The following RGS5 variants were observed in gnomAD, a reference collection of about 807,000 sequenced individuals.
RGS5 encodes the protein regulator of G-protein signalling 5.
Under a neutral mutation model 18.9 loss-of-function variants are expected in RGS5, and 20 were observed. The ratio of observed to expected loss-of-function variants is 1.06; its 90% CI spans 0.74 to 1.54. The LOEUF is 1.54. Among genes scored for constraint, RGS5 ranks in the 40% most tolerant of loss-of-function variants. The probability of loss-of-function intolerance (pLI) is 0.00; values close to 1 mark genes in which losing one functional copy is unlikely to be tolerated. For missense variants in RGS5, 201 were observed against 211.8 expected, an observed-to-expected ratio of 0.95 and a Z score of 0.32; for synonymous variants, 57 against 76.2, an observed-to-expected ratio of 0.75 and a Z score of 1.31.
chr1:163,219,273 G>A (rs781752876), upstream of RGS5, among the ~76,000 whole-genome samples: 17 of 152,048 alleles, frequency 1.1e-4, no homozygotes, highest in African/African-American at 1.4e-4. Context: ...TCCTATTCCC[G>A]TAGTATGTTG....
At chr1:163,167,863 A>G (rs1279027728) in intron 2 of RGS5, among the ~76,000 whole-genome samples, 3 of 152,190 alleles carry the variant, frequency 2.0e-5, no homozygotes, top group Non-Finnish European at 4.4e-5. Flanking sequence ...TAGATAGTTC[A>G]TCAGCAGGTA....
intron 2 of RGS5, among the ~76,000 whole-genome samples, chr1:163,225,198 A>G (rs1647307204): frequency 6.6e-6 from 1 of 152,100 alleles, no homozygotes; most frequent in South Asian, 2.1e-4. Flanking sequence ...CATCTAATTA[A>G]GGTTATTAAA....
rs559429484 is a variant in RGS5 at position 163,145,781 on chromosome 1, C to T, written c.*1561G>A. Reference sequence around the variant, plus strand: ...TACAGTCACATAGTTGCTTCACTTTCAATATTCTTAGGAAATAACCAAATA... The same window carrying T: ...TACAGTCACATAGTTGCTTCACTTTTAATATTCTTAGGAAATAACCAAATA... On this transcript the variant is annotated 3_prime_UTR_variant, in exon 5 of 5. Coordinates refer to ENST00000313961, the MANE Select transcript of RGS5 (RefSeq NM_003617.4). 7 of 152,184 alleles carry T rather than the reference C, an allele frequency of 4.6e-5. No homozygotes were observed. The South Asian group carries it at 8.3e-4, about 18-fold the overall frequency. 9.4% of individuals were successfully genotyped at this position (152,184 alleles called of 1,614,324 possible).
At position 163,147,177 on chromosome 1, in the gene RGS5, T is replaced by A. The variant is rs969416508; in HGVS notation, c.*165A>T. The A allele has an allele frequency of 2.5e-5, 15 of 589,996 alleles. No homozygotes were observed. Among genetic ancestry groups the A allele is most frequent in the African/African-American group, 1.2e-4 (6 of 51,876 alleles). 36.5% of individuals were successfully genotyped at this position (589,996 alleles called of 1,614,324 possible). ...AAGGCCTTCGGACAGTAGATAAGTA[T>A]CCAAAGCAGTGTGGGCAAAAAGAGT... On this transcript the variant is annotated 3_prime_UTR_variant, in exon 5 of 5. Transcript: ENST00000313961.
At chr1:163,227,010 G>C (rs934295988) in intron 2 of RGS5, among the ~76,000 whole-genome samples, 10 of 152,214 alleles carry the variant, frequency 6.6e-5, no homozygotes, top group Non-Finnish European at 1.3e-4. Context: ...AACTTCCAGT[G>C]CTTGATAGCA....
At chr1:163,165,916 CAA>C (rs59941784) in intron 2 of RGS5, among the ~76,000 whole-genome samples, 27 of 62,088 alleles carry the variant, frequency 4.3e-4, no homozygotes, top group South Asian at 6.8e-4. Context: ...AAAAAAAAAA[CAA>C]AAAAAAAACA....
chr1:163,214,465 T>A (rs1233917861), intron 1 of RGS5, among the ~76,000 whole-genome samples: 1 of 152,140 alleles, frequency 6.6e-6, no homozygotes, highest in Non-Finnish European at 1.5e-5. Flanking sequence ...ATACCCTTGC[T>A]CACAGATACA....
At chr1:163,272,382 C>G (rs919270991) in intron 2 of RGS5, among the ~76,000 whole-genome samples, 1 of 151,968 alleles carries the variant, frequency 6.6e-6, no homozygotes, top group Non-Finnish European at 1.5e-5. Flanking sequence ...TTCATGGTAT[C>G]CTTTGAGGCA....
chr1:163,219,118 A>T (rs1660278990), upstream of RGS5, among the ~76,000 whole-genome samples: 1 of 104,380 alleles, frequency 9.6e-6, no homozygotes, highest in Non-Finnish European at 2.3e-5. Flanking sequence ...CTTACTCTTT[A>T]TCGAGGTGTA....
At chr1:163,170,810 G>T (rs1455599612) in intron 1 of RGS5, among the ~76,000 whole-genome samples, 1 of 152,146 alleles carries the variant, frequency 6.6e-6, no homozygotes, top group African/African-American at 2.4e-5. Context: ...CACGGCATTA[G>T]GGTAAAAACT....
intron 2 of RGS5, among the ~76,000 whole-genome samples, chr1:163,301,869 TCC>T (rs966112279): frequency 3.3e-5 from 5 of 152,206 alleles, no homozygotes; most frequent in African/African-American, 9.6e-5. Flanking sequence ...CCCCAGCTTT[TCC>T]CAGGGTTCCT....
intron 1 of RGS5, among the ~76,000 whole-genome samples, chr1:163,169,608 G>A (rs1658211783): frequency 6.6e-6 from 1 of 152,036 alleles, no homozygotes; most frequent in Non-Finnish European, 1.5e-5. Flanking sequence ...TTTCTCTGAT[G>A]GCCAGTGATG....
At chr1:163,283,439 GAAT>G (rs902203054) in intron 2 of RGS5, among the ~76,000 whole-genome samples, 11 of 152,070 alleles carry the variant, frequency 7.2e-5, no homozygotes, top group African/African-American at 2.4e-4. Context: ...ACCTAAAATG[GAAT>G]AATAATTATC....
intron 1 of RGS5, among the ~76,000 whole-genome samples, chr1:163,313,068 C>T (rs1649917151): frequency 6.6e-6 from 1 of 152,126 alleles, no homozygotes; most frequent in Non-Finnish European, 1.5e-5. Flanking sequence ...CCCCATATAA[C>T]GTTACACCTG....
intron 2 of RGS5, among the ~76,000 whole-genome samples, chr1:163,239,808 TAATC>T (rs35541143): frequency 0.21 from 32,303 of 152,060 alleles, 3,620 homozygotes; most frequent in African/African-American, 0.3. Context: ...TCTACAATCT[TAATC>T]TATGTAGACG....
chr1:163,223,946 C>A (rs1426305378), intron 2 of RGS5, among the ~76,000 whole-genome samples: 1 of 151,968 alleles, frequency 6.6e-6, no homozygotes, highest in East Asian at 1.9e-4. Flanking sequence ...ACATAATAAT[C>A]GTACATATTT....
intron 2 of RGS5, among the ~76,000 whole-genome samples, chr1:163,284,330 A>G (rs1654097097): frequency 6.6e-6 from 1 of 152,136 alleles, no homozygotes; most frequent in Non-Finnish European, 1.5e-5. Flanking sequence ...ATTCTTTTTC[A>G]TAGCTATCTA....
chr1:163,273,300 T>C (rs1342035638), intron 2 of RGS5, among the ~76,000 whole-genome samples: 1 of 152,160 alleles, frequency 6.6e-6, no homozygotes, highest in Non-Finnish European at 1.5e-5. Flanking sequence ...CAATTTACGG[T>C]CTAGGCATTC....
At position 163,231,285 on chromosome 1, in the gene RGS5, G is replaced by A. The variant is rs560195165; in HGVS notation, c.-280-62917C>T. 5.3e-5 allele frequency among the ~76,000 whole-genome samples: 8 copies of A among 152,260 alleles called. 1 individual carries two copies. Among genetic ancestry groups the A allele is most frequent in the African/African-American group, 1.9e-4 (8 of 41,526 alleles). On this transcript the variant is annotated intron_variant, in intron 2 of 5. Coordinates refer to the RGS5 transcript ENST00000618415. ...TGCACACATTTATGTACTTAGAGCT[G>A]CACAAAACCCATGAAATAACCAGAG...
Sources: allele counts gnomAD v4.1 joint callset (sites outside exome capture counted in the v4.1 genomes callset), GRCh38; gene constraint gnomAD v4.1.1; transcripts MANE v1.5; gene names NCBI Gene and HGNC (gene_info 2026-07-23, HGNC 2026-07-21).